Variants in TBC1D22B observed in about 807,000 individuals in gnomAD.
The protein encoded by TBC1D22B is TBC1 domain family member 22B.
In TBC1D22B, 32 loss-of-function variants were observed where a neutral mutation model predicts 69.1. The observed-to-expected ratio is 0.46, with a 90% CI of 0.35 to 0.62. The LOEUF is 0.62. TBC1D22B is among the 20% of genes least tolerant of loss of function. The probability of loss-of-function intolerance (pLI) is 0.00; values close to 1 mark genes in which losing one functional copy is unlikely to be tolerated. For missense variants in TBC1D22B, 462 were observed against 630.9 expected, an observed-to-expected ratio of 0.73 and a Z score of 2.87; for synonymous variants, 206 against 229.8, an observed-to-expected ratio of 0.90 and a Z score of 0.94.
intron 12 of TBC1D22B, among the ~76,000 whole-genome samples, chr6:37,323,548 A>G (rs1768310887): frequency 6.6e-6 from 1 of 152,196 alleles, no homozygotes; most frequent in Admixed American, 6.5e-5. Flanking sequence ...GTCAGCTGGA[A>G]GAAAATGTTG....
intron 12 of TBC1D22B, 70 bp downstream of exon 12, chr6:37,317,276 G>A: frequency 6.9e-7 from 1 of 1,452,992 alleles, no homozygotes; most frequent in Non-Finnish European, 9.4e-7. Context: ...TCAGTGGGCA[G>A]TGCAGACAGA....
chr6:37,261,108 T>C (rs1405236367), intron 1 of TBC1D22B, among the ~76,000 whole-genome samples: 1 of 152,174 alleles, frequency 6.6e-6, no homozygotes, highest in Non-Finnish European at 1.5e-5. Context: ...AAATGGTCAT[T>C]GTATTAATGC....
chr6:37,318,327 G>A (rs1768142283), intron 12 of TBC1D22B, among the ~76,000 whole-genome samples: 2 of 152,314 alleles, frequency 1.3e-5, no homozygotes, highest in South Asian at 4.1e-4. Flanking sequence ...TGGCTTTACA[G>A]TTTATGGAGA....
intron 12 of TBC1D22B, among the ~76,000 whole-genome samples, chr6:37,317,450 G>T (rs773939471): frequency 8.5e-5 from 13 of 152,198 alleles, no homozygotes; most frequent in Non-Finnish European, 1.9e-4. Flanking sequence ...AGGCCTAAGA[G>T]ATCTTTCAGT....
chr6:37,313,949 C>A, intron 10 of TBC1D22B, 58 bp downstream of exon 10: 1 of 1,534,068 alleles, frequency 6.5e-7, no homozygotes, highest in Non-Finnish European at 9.0e-7. Context: ...TGTTATGAGG[C>A]GGTTGTGCTT....
At chr6:37,330,923 C>T in intron 12 of TBC1D22B, 121 bp from the exon 13 acceptor site, 3 of 1,010,656 alleles carry the variant, frequency 3.0e-6, no homozygotes, top group Non-Finnish European at 4.5e-6. Flanking sequence ...AGGCTGGACT[C>T]TTTGAGATGT....
At position 37,331,221 on chromosome 6, in the gene TBC1D22B, C is replaced by G. The variant is rs1768573513; in HGVS notation, c.*49C>G. ...GACTGCCTTCATCTCTGATGGCAGT[C>G]TGATCACTGTGGCCACTGTGCGAGC... On this transcript the variant is annotated 3_prime_UTR_variant, in exon 13 of 13. Transcript: ENST00000373491. 2 of 1,603,664 alleles carry G rather than the reference C, an allele frequency of 1.2e-6. No homozygotes were observed. Among genetic ancestry groups the G allele is most frequent in the Middle Eastern group, 3.4e-4 (2 of 5,840 alleles).
At chr6:37,258,796 T>C (rs1562034094) in intron 1 of TBC1D22B, among the ~76,000 whole-genome samples, 1 of 152,158 alleles carries the variant, frequency 6.6e-6, no homozygotes, top group Non-Finnish European at 1.5e-5. Context: ...GGCAAAGTCC[T>C]GAGAAGTATA....
chr6:37,274,974 C>T (rs367866123), intron 2 of TBC1D22B, among the ~76,000 whole-genome samples: 3 of 152,186 alleles, frequency 2.0e-5, no homozygotes. Context: ...ATCGCTTGAA[C>T]CCGGAGGCGG....
rs111663647 is a variant in TBC1D22B at position 37,316,238 on chromosome 6, G to C, written c.1166-465G>C. Reference sequence around the variant, plus strand: ...CAGTGGAAGAGGCTTCCCTTGAGTGGAGTTTGTGAGCCCCTTTCGCTGGCA... The same window carrying C: ...CAGTGGAAGAGGCTTCCCTTGAGTGCAGTTTGTGAGCCCCTTTCGCTGGCA... On this transcript the variant is annotated intron_variant, in intron 10 of 12. Transcript: ENST00000373491. 6.4e-3 allele frequency among the ~76,000 whole-genome samples: 980 copies of C among 152,300 alleles called. 10 individuals carry two copies. Among genetic ancestry groups the C allele is most frequent in the Middle Eastern group, 0.027 (8 of 294 alleles).
At chr6:37,289,834 G>A (rs1024255480) in intron 7 of TBC1D22B, among the ~76,000 whole-genome samples, 3 of 152,186 alleles carry the variant, frequency 2.0e-5, no homozygotes, top group Admixed American at 6.5e-5. Context: ...GTGTAAGAGC[G>A]TTCCCATTAG....
chr6:37,301,994 G>A (rs922737135), intron 8 of TBC1D22B, among the ~76,000 whole-genome samples: 5 of 152,148 alleles, frequency 3.3e-5, no homozygotes, highest in Admixed American at 6.5e-5. Context: ...TAGTGGAGCC[G>A]TGGGGTCCAC....
At chr6:37,268,583 G>A (rs551358683) in intron 1 of TBC1D22B, among the ~76,000 whole-genome samples, 1 of 152,242 alleles carries the variant, frequency 6.6e-6, no homozygotes, top group Non-Finnish European at 1.5e-5. Flanking sequence ...CAAATGTGTG[G>A]TATGATGGCT....
chr6:37,269,724 C>T, intron 2 of TBC1D22B, 74 bp downstream of exon 2: 1 of 1,403,186 alleles, frequency 7.1e-7, no homozygotes. Context: ...GTTGAAATGA[C>T]AGTTTCCACC....
intron 12 of TBC1D22B, among the ~76,000 whole-genome samples, chr6:37,321,088 T>C (rs1768226724): frequency 6.6e-6 from 1 of 152,240 alleles, no homozygotes; most frequent in Non-Finnish European, 1.5e-5. Flanking sequence ...ACTTTGAATA[T>C]ACAGGCACTA....
At chr6:37,327,832 C>T (rs1295479963) in intron 12 of TBC1D22B, among the ~76,000 whole-genome samples, 2 of 152,024 alleles carry the variant, frequency 1.3e-5, no homozygotes, top group South Asian at 2.1e-4. Flanking sequence ...GATGTGCACT[C>T]CTCCGGGGGT....
At chr6:37,261,063 A>C (rs1766080942) in intron 1 of TBC1D22B, among the ~76,000 whole-genome samples, 1 of 152,196 alleles carries the variant, frequency 6.6e-6, no homozygotes, top group South Asian at 2.1e-4. Flanking sequence ...AAGTTCTCTC[A>C]GTTATTCACA....
In TBC1D22B at chr6:37,332,958, A is replaced by G. The variant is rs1027943876; in HGVS notation, c.*1786A>G. The G allele has an allele frequency of 6.6e-6, 1 of 152,120 alleles. No homozygotes were observed. The highest frequency in any genetic ancestry group is 1.5e-5 in the Non-Finnish European group (1 of 68,010). The allele number at this position is 152,120 out of a possible 1,614,324, so 9.4% of individuals were successfully genotyped here. A position where few individuals can be genotyped will look rare whatever the true frequency, so the allele number is the denominator to read the frequency against. Reference sequence around the variant, plus strand: ...GAAAAGAATTGTAAATAAATGGTGTATTTCCTCCTCCATCTGCTGGTTTTT... The same window carrying G: ...GAAAAGAATTGTAAATAAATGGTGTGTTTCCTCCTCCATCTGCTGGTTTTT... On this transcript the variant is annotated 3_prime_UTR_variant, in exon 13 of 13. Coordinates refer to ENST00000373491, the MANE Select transcript of TBC1D22B (RefSeq NM_017772.4).
intron 2 of TBC1D22B, among the ~76,000 whole-genome samples, chr6:37,275,907 A>G (rs962970932): frequency 4.0e-5 from 6 of 151,496 alleles, no homozygotes; most frequent in African/African-American, 1.5e-4. Context: ...GCCTTCTCTC[A>G]GTGGTAACCC....
Sources: gnomAD v4.1 joint callset for allele counts (sites outside exome capture counted in the v4.1 genomes callset) on GRCh38, gnomAD v4.1.1 for gene constraint, MANE v1.5 for transcripts, NCBI Gene and HGNC (gene_info 2026-07-23, HGNC 2026-07-21) for gene names.